Variants in CENPF observed in about 807,000 individuals in gnomAD.
CENPF encodes centromere protein F, also known as AH antigen.
Under a neutral mutation model 307.3 loss-of-function variants are expected in CENPF, and 214 were observed. The ratio of observed to expected loss-of-function variants is 0.70; its 90% confidence interval spans 0.62 to 0.78. The LOEUF (loss-of-function observed/expected upper bound fraction) is 0.78. CENPF is among the 30% of genes least tolerant of loss of function. CENPF has a pLI of 0.00. For missense variants in CENPF, 3,401 were observed against 3,483.9 expected (o/e 0.98, Z 0.60); for synonymous variants, 1,259 against 1,270.6 (o/e 0.99, Z 0.19).
intron 18 of CENPF, 94 bp from the exon 19 acceptor site, chr1:214,658,756 G>T: frequency 1.6e-6 from 2 of 1,267,820 alleles, no homozygotes; most frequent in Non-Finnish European, 2.2e-6. Context: ...TTTGGAGTTT[G>T]CATTATCCTT....
At position 214,646,377 on chromosome 1, in the gene CENPF, T is replaced by G; in HGVS notation, c.6807T>G (p.Asn2269Lys). 6.2e-7 allele frequency: 1 copy of G among 1,614,086 alleles called. No homozygotes were observed. Among genetic ancestry groups the G allele is most frequent in the East Asian group, 2.2e-5 (1 of 44,872 alleles). ...TTCAGAATCAGTTAAAGGAGCTAAA[T>G]GAGGCAGTAGCAGCCTTGTGTGGTG... ...EMLQNQLKEL[N>K]EAVAALCGDQ... is the part of the protein sequence containing the mutation. The change falls in exon 13 of 20, where the codon AAT (asparagine) becomes AAG (lysine). Residue 2269 changes from asparagine to lysine, a missense_variant. Asn to Lys is a moderately conservative substitution (Grantham distance 94). Coordinates refer to ENST00000366955, the MANE Select transcript of CENPF (RefSeq NM_016343.4).
intron 19 of CENPF, among the ~76,000 whole-genome samples, chr1:214,661,002 A>AT (rs370640838): frequency 3.1e-4 from 47 of 152,182 alleles, no homozygotes; most frequent in African/African-American, 1.1e-3. Context: ...ATCACAAGTC[A>AT]TTTTTTTTCT....
At chr1:214,652,050 C>T (rs1658478330) in intron 15 of CENPF, among the ~76,000 whole-genome samples, 164 bp downstream of exon 15, 1 of 147,996 alleles carries the variant, frequency 6.8e-6, no homozygotes, top group African/African-American at 2.5e-5. Flanking sequence ...CCAGGTCCCT[C>T]TCTTATTTTA....
Position 214,646,512 on chromosome 1 carries a change from AAAG to A in CENPF, c.6946_6948del (p.Lys2316del). 1 of 1,614,156 alleles carries A rather than the reference AAAG, an allele frequency of 6.2e-7. No homozygotes were observed. The highest frequency in any genetic ancestry group is 8.5e-7 in the Non-Finnish European group (1 of 1,180,002). Reference sequence around the variant, plus strand: ...TGAGAGCCCGCCTAGAAGCTGATGAAAAGAAGCAGCTCTGTGTCTTACAACAAC... The same window carrying A: ...TGAGAGCCCGCCTAGAAGCTGATGAAAAGCAGCTCTGTGTCTTACAACAAC... On this transcript the variant is annotated inframe_deletion, in exon 13 of 20. Transcript: ENST00000366955.
Position 214,632,467 on chromosome 1 carries a change from T to C in CENPF, c.1324-13T>C, listed in dbSNP as rs764337295. ...ACATGAAAATGAAACTTGGTCTCTTTTTCTTTTTGTAGCTCACATCAGTAA... is the reference window on the plus strand; with the variant it reads ...ACATGAAAATGAAACTTGGTCTCTTCTTCTTTTTGTAGCTCACATCAGTAA... On this transcript the variant is annotated splice_polypyrimidine_tract_variant and intron_variant, in intron 9 of 19. Transcript: ENST00000366955. 6.2e-7 allele frequency: 1 copy of C among 1,605,948 alleles called. No homozygotes were observed. The highest frequency in any genetic ancestry group is 8.5e-7 in the Non-Finnish European group (1 of 1,177,764).
chr1:214,640,159 A>G lies in CENPF; in HGVS notation c.1821A>G (p.Lys607=). 6.3e-7 allele frequency: 1 copy of G among 1,585,078 alleles called. No individual in the cohort carries two copies. The highest frequency in any genetic ancestry group is 8.5e-7 in the Non-Finnish European group (1 of 1,172,828). ...TGAGTGCTTTAGAGTTAAAAAAGAA[A>G]GAATATGAAGAATTGAAAGAAGAGA... ...ALLSALELKK[K]EYEELKEEKT... Residue 607 remains lysine, a synonymous_variant, in exon 12 of 20, where the codon AAA becomes AAG. Coordinates refer to ENST00000366955, the MANE Select transcript of CENPF (RefSeq NM_016343.4).
At chr1:214,654,742 G>A (rs1658584887) in intron 16 of CENPF, among the ~76,000 whole-genome samples, 1 of 151,782 alleles carries the variant, frequency 6.6e-6, no homozygotes, top group African/African-American at 2.4e-5. Flanking sequence ...CCATCATTCT[G>A]TTGTCTTTCT....
intron 17 of CENPF, among the ~76,000 whole-genome samples, chr1:214,655,769 T>C (rs562229120): frequency 6.6e-6 from 1 of 152,254 alleles, no homozygotes; most frequent in Admixed American, 6.5e-5. Flanking sequence ...TTTTGTATTT[T>C]TTGTAGAGAC....
At chr1:214,604,065 A>G (rs760898565) in intron 1 of CENPF, among the ~76,000 whole-genome samples, 6 of 152,092 alleles carry the variant, frequency 3.9e-5, no homozygotes, top group Non-Finnish European at 7.3e-5. Flanking sequence ...CCTGACCTAG[A>G]GGAGAAGGCA....
Position 214,646,083 on chromosome 1 carries a change from G to A in CENPF, c.6513G>A (p.Glu2171=), listed in dbSNP as rs1658290744. 3 of 1,613,948 alleles carry A rather than the reference G, an allele frequency of 1.9e-6. No homozygotes were observed. Among genetic ancestry groups the A allele is most frequent in the South Asian group, 2.2e-5 (2 of 91,088 alleles). Residue 2171 remains glutamate (E), a synonymous_variant, in exon 13 of 20, where the codon GAG becomes GAA. Transcript: ENST00000366955. ...TGCAGATGTCAGAAGAAAACCAGGA[G>A]CTAGTGATTCTTGATGCCGAGAATT... The part of the protein sequence containing the change: ...RELQMSEENQ[E]LVILDAENSK...
chr1:214,650,704 C>T (rs926295629), intron 14 of CENPF, among the ~76,000 whole-genome samples: 3 of 152,046 alleles, frequency 2.0e-5, no homozygotes, highest in Non-Finnish European at 4.4e-5. Flanking sequence ...AAGTTCAAGA[C>T]CAGCCTGGGC....
rs765952597 is a variant in CENPF at position 214,646,941 on chromosome 1, G to C, written c.7371G>C (p.Leu2457=). The C allele has an allele frequency of 5.0e-6, 8 of 1,614,016 alleles. No individual in the cohort carries two copies. In the Admixed American group the frequency reaches 1.3e-4, roughly 27 times the overall value. ...LKELNERVAA[L]HNDQEACKAK... ...AGCTCAATGAGAGAGTGGCAGCCCTGCATAATGACCAAGAAGCCTGTAAGG... is the reference window on the plus strand; with the variant it reads ...AGCTCAATGAGAGAGTGGCAGCCCTCCATAATGACCAAGAAGCCTGTAAGG... Residue 2457 remains leucine, a synonymous_variant, in exon 13 of 20, where the codon CTG becomes CTC. Transcript: ENST00000366955.
chr1:214,646,989 T>G lies in CENPF; in HGVS notation c.7419T>G (p.Ser2473Arg). The change falls in exon 13 of 20, where the codon AGT becomes AGG. Residue 2473 changes from serine to arginine, a missense_variant. Physicochemically the swap from Ser to Arg is moderately radical, Grantham distance 110 (BLOSUM62 -1). Coordinates refer to ENST00000366955, the MANE Select transcript of CENPF (RefSeq NM_016343.4). ...ACKAKEQNLS[S>R]QVECLELEKA... ...AGGCCAAAGAGCAGAATCTTAGTAG[T>G]CAAGTAGAGTGTCTTGAACTTGAGA... 1 of 1,613,992 alleles carries G rather than the reference T, an allele frequency of 6.2e-7. No homozygotes were observed. Among genetic ancestry groups the G allele is most frequent in the Non-Finnish European group, 8.5e-7 (1 of 1,179,996 alleles).
rs115222675 is a variant in CENPF, at chr1:214,656,865, T to G, written c.8486-68T>G. On this transcript the variant is annotated intron_variant, in intron 17 of 19. Coordinates refer to ENST00000366955, the MANE Select transcript of CENPF (RefSeq NM_016343.4). ...AAAGAACACGTCTAAGATTATCTGC[T>G]TCACGATGCCCATTGTTAACTAGAG... is the stretch of plus-strand genomic sequence containing the variant. 2.3e-3 allele frequency: 2,338 copies of G among 1,038,010 alleles called. 4 individuals carry two copies. Among genetic ancestry groups the G allele is most frequent in the Non-Finnish European group, 2.9e-3 (2,060 of 708,130 alleles). 64.3% of individuals were successfully genotyped at this position (1,038,010 alleles called of 1,614,324 possible).
intron 6 of CENPF, among the ~76,000 whole-genome samples, chr1:214,621,708 G>A (rs1025264560): frequency 6.6e-5 from 10 of 152,150 alleles, no homozygotes; most frequent in Admixed American, 5.9e-4. Flanking sequence ...ATTGATATGG[G>A]CAAAAAACAA....
chr1:214,642,803 A>G lies in CENPF; in HGVS notation c.4465A>G (p.Ser1489Gly), dbSNP rs747119473. ...SCVPDSSSLS[S>G]LGDSSFYRAL... Reference sequence around the variant, plus strand: ...TGTGCCTGACAGCTCTAGTCTTAGCAGTTTGGGAGACTCCTCCTTTTACAG... The same window carrying G: ...TGTGCCTGACAGCTCTAGTCTTAGCGGTTTGGGAGACTCCTCCTTTTACAG... The change falls in exon 12 of 20, where the codon AGT becomes GGT. Residue 1489 changes from serine to glycine, a missense_variant. Physicochemically the swap from Ser to Gly is moderately conservative, Grantham distance 56. Coordinates refer to ENST00000366955, the MANE Select transcript of CENPF (RefSeq NM_016343.4). The G allele has an allele frequency of 6.2e-7, 1 of 1,613,920 alleles. No homozygotes were observed. Among genetic ancestry groups the G allele is most frequent in the Non-Finnish European group, 8.5e-7 (1 of 1,179,960 alleles).
At chr1:214,652,048 C>G (rs373576244) in intron 15 of CENPF, among the ~76,000 whole-genome samples, 162 bp downstream of exon 15, 1 of 149,628 alleles carries the variant, frequency 6.7e-6, no homozygotes, top group Non-Finnish European at 1.5e-5. Context: ...CCCCAGGTCC[C>G]TCTCTTATTT....
In CENPF at chr1:214,652,835, T is replaced by C. The variant is rs1658524625; in HGVS notation, c.8168T>C (p.Val2723Ala). The change falls in exon 16 of 20, where the codon GTA (valine) becomes GCA (alanine). Residue 2723 changes from valine to alanine, a missense_variant. By Grantham distance (64) the Val-to-Ala change is moderately conservative. Transcript: ENST00000366955. Reference protein sequence around the residue: ...LLLDTNKQYEVEIQTYREKLT... With the variant: ...LLLDTNKQYEAEIQTYREKLT... ...TTGTTTGTTTTGCTCTAGTATGAAGTAGAAATCCAGACATACCGAGAGAAA... is the reference window on the plus strand; with the variant it reads ...TTGTTTGTTTTGCTCTAGTATGAAGCAGAAATCCAGACATACCGAGAGAAA... The C allele has an allele frequency of 1.3e-6, 2 of 1,583,636 alleles. No homozygotes were observed. The highest frequency in any genetic ancestry group is 1.7e-6 in the Non-Finnish European group (2 of 1,171,434).
intron 19 of CENPF, among the ~76,000 whole-genome samples, chr1:214,662,480 C>A (rs1053091670): frequency 3.9e-5 from 6 of 152,170 alleles, no homozygotes; most frequent in Non-Finnish European, 4.4e-5. Context: ...CACATGCTTC[C>A]TATGGAAAGA....
Sources: gnomAD v4.1 joint callset for allele counts (sites outside exome capture counted in the v4.1 genomes callset) on GRCh38, gnomAD v4.1.1 for gene constraint, MANE v1.5 for transcripts, NCBI Gene and HGNC (gene_info 2026-07-23, HGNC 2026-07-21) for gene names.